ACO1: variants seen among roughly 807,000 people sequenced by gnomAD.
The protein encoded by ACO1 is aconitase 1, also known as cytoplasmic aconitate hydratase.
Under a neutral mutation model 105.1 loss-of-function variants are expected in ACO1, and 78 were observed. The observed-to-expected ratio is 0.74, with a 90% CI of 0.62 to 0.90. The LOEUF (loss-of-function observed/expected upper bound fraction) is 0.90, where lower values mean the gene tolerates loss of function less well. Among genes scored for constraint, ACO1 ranks in the 40% least tolerant of loss-of-function variants. The pLI, the probability that ACO1 is intolerant of heterozygous loss-of-function variation, is 0.00. For synonymous variants in ACO1, 364 were observed against 397.4 expected (o/e 0.92, Z 1.00); for missense variants, 965 against 1,111.1 (o/e 0.87, Z 1.87).
chr9:32,404,457 A>G (rs1821562202), intron 1 of ACO1, among the ~76,000 whole-genome samples: 1 of 152,186 alleles, frequency 6.6e-6, no homozygotes, highest in African/African-American at 2.4e-5. Flanking sequence ...CACAGTTTAG[A>G]AAAAATTAGT....
intron 4 of ACO1, among the ~76,000 whole-genome samples, chr9:32,411,620 G>C (rs1821741050): frequency 6.6e-6 from 1 of 152,098 alleles, no homozygotes; most frequent in African/African-American, 2.4e-5. Context: ...GCAAATGGTA[G>C]TAAACAGTAT....
chr9:32,410,360 C>T (rs190061496), intron 4 of ACO1, among the ~76,000 whole-genome samples: 3 of 152,136 alleles, frequency 2.0e-5, no homozygotes, highest in Admixed American at 1.3e-4. Flanking sequence ...AGATCAAGAC[C>T]ATCCTGGCAA....
intron 16 of ACO1, 118 bp from the exon 17 acceptor site, chr9:32,434,441 G>A: frequency 1.7e-6 from 2 of 1,163,686 alleles, no homozygotes; most frequent in Non-Finnish European, 2.4e-6. Flanking sequence ...AGAATTTTCT[G>A]TGCATTGGTG....
At position 32,417,808 on chromosome 9, in the gene ACO1, G is replaced by C. The variant is rs796598473; in HGVS notation, c.405-320G>C. Among the ~76,000 whole-genome samples the C allele has an allele frequency of 2.6e-5, 4 of 152,302 alleles. No homozygotes were observed. The South Asian group carries it at 8.3e-4, about 32-fold the overall frequency. On this transcript the variant is annotated intron_variant, in intron 4 of 20. Transcript: ENST00000309951. ...GAGTTCTTTAAATGTCCAGGCTGCT[G>C]TTGTCATATGAATGTCTTGAGTCTG...
Position 32,450,721 on chromosome 9 carries a change from A to T in ACO1, c.*610A>T, listed in dbSNP as rs2118595684. 6.6e-6 allele frequency: 1 copy of T among 151,866 alleles called. No homozygotes were observed. The highest frequency in any genetic ancestry group is 1.9e-4 in the East Asian group (1 of 5,178). The allele number at this position is 151,866 out of a possible 1,614,324, so 9.4% of individuals were successfully genotyped here. A position where few individuals can be genotyped will look rare whatever the true frequency, so the allele number is the denominator to read the frequency against. On this transcript the variant is annotated 3_prime_UTR_variant, in exon 21 of 21. Coordinates refer to ENST00000309951, the MANE Select transcript of ACO1 (RefSeq NM_002197.3). ...CTTTTGATAGATCCACATAAAAAGAAATGTGAAGTTTTCTTTTACTATCTT... is the reference window on the plus strand; with the variant it reads ...CTTTTGATAGATCCACATAAAAAGATATGTGAAGTTTTCTTTTACTATCTT...
Position 32,452,920 on chromosome 9 carries a change from C to T in ACO1, c.*2809C>T, listed in dbSNP as rs1452812359. ...TCGTGGCTATGATTGCTCCACTGCA[C>T]TCCAGCCTGGGCAATAGAGTGAGAC... On this transcript the variant is annotated 3_prime_UTR_variant, in exon 21 of 21. Transcript: ENST00000309951. 1.3e-5 allele frequency: 2 copies of T among 151,274 alleles called. No individual in the cohort carries two copies. The highest frequency in any genetic ancestry group is 2.4e-5 in the African/African-American group (1 of 41,188). The allele number at this position is 151,274 out of a possible 1,614,324, so 9.4% of individuals were successfully genotyped here. A position where few individuals can be genotyped will look rare whatever the true frequency, so the allele number is the denominator to read the frequency against.
At position 32,452,831 on chromosome 9, in the gene ACO1, G is replaced by A. The variant is rs1467154350; in HGVS notation, c.*2720G>A. The A allele has an allele frequency of 6.6e-6, 1 of 151,932 alleles. No homozygotes were observed. The highest frequency in any genetic ancestry group is 1.5e-5 in the Non-Finnish European group (1 of 68,070). The allele number at this position is 151,932 out of a possible 1,614,324, so 9.4% of individuals were successfully genotyped here. A position where few individuals can be genotyped will look rare whatever the true frequency, so the allele number is the denominator to read the frequency against. ...TAAATAAATAAAATAAATCAGCCAG[G>A]TGTGCACCTGTGGTCCCAGCTGTTC... On this transcript the variant is annotated 3_prime_UTR_variant, in exon 21 of 21. Transcript: ENST00000309951.
At chr9:32,408,361 G>A (rs1053215388) in intron 3 of ACO1, among the ~76,000 whole-genome samples, 153 bp from the exon 4 acceptor site, 3 of 152,174 alleles carry the variant, frequency 2.0e-5, no homozygotes, top group African/African-American at 7.2e-5. Context: ...GAGGAAATAC[G>A]CTTAGAAACT....
At chr9:32,403,417 A>G (rs1821540058) in intron 1 of ACO1, among the ~76,000 whole-genome samples, 1 of 152,186 alleles carries the variant, frequency 6.6e-6, no homozygotes, top group African/African-American at 2.4e-5. Context: ...CTAGCTTCCA[A>G]GGAAAAAGGG....
intron 4 of ACO1, among the ~76,000 whole-genome samples, chr9:32,414,067 G>A (rs959961873): frequency 6.6e-6 from 1 of 152,070 alleles, no homozygotes; most frequent in Non-Finnish European, 1.5e-5. Flanking sequence ...GCCCGGGAAT[G>A]GCGTGAACCC....
intron 18 of ACO1, among the ~76,000 whole-genome samples, chr9:32,438,882 T>C (rs1174811609): frequency 4.6e-5 from 7 of 152,208 alleles, no homozygotes. Flanking sequence ...CAAAGTAGAA[T>C]ATTGACAGAT....
rs776750181 is a variant in ACO1, at chr9:32,449,979, C to CTGTT, written c.2557-17_2557-14dup. On this transcript the variant is annotated intron_variant, in intron 20 of 20. Transcript: ENST00000309951. ...CTCGCCACCTCCCTCAATGATGCTTCTGTTTCTTTGTGCCACAGCTGGATA... is the reference window on the plus strand; with the variant it reads ...CTCGCCACCTCCCTCAATGATGCTTCTGTTTGTTTCTTTGTGCCACAGCTGGATA... 6.2e-7 allele frequency: 1 copy of CTGTT among 1,604,544 alleles called. No individual in the cohort carries two copies. The highest frequency in any genetic ancestry group is 1.7e-5 in the Admixed American group (1 of 59,994).
In ACO1 at chr9:32,434,717, G is replaced by A. The variant is rs375327839; in HGVS notation, c.2099+16G>A. The stretch of plus-strand genomic sequence containing the variant: ...CTAACAGAGGGTAAGTATGAATGAG[G>A]CAGGAAGGACTAAAGGCAAAAATGG... On this transcript the variant is annotated intron_variant, in intron 17 of 20. Coordinates refer to ENST00000309951, the MANE Select transcript of ACO1 (RefSeq NM_002197.3). 1.2e-6 allele frequency: 2 copies of A among 1,613,398 alleles called. No individual in the cohort carries two copies. Among genetic ancestry groups the A allele is most frequent in the African/African-American group, 2.7e-5 (2 of 75,036 alleles).
chr9:32,418,254 A>T, intron 5 of ACO1, 57 bp downstream of exon 5: 1 of 1,612,002 alleles, frequency 6.2e-7, no homozygotes. Flanking sequence ...GGTACGAGGG[A>T]GAGATGCCAA....
chr9:32,440,787 G>A (rs892434650), intron 19 of ACO1, among the ~76,000 whole-genome samples, 200 bp downstream of exon 19: 1 of 152,170 alleles, frequency 6.6e-6, no homozygotes, highest in Non-Finnish European at 1.5e-5. Context: ...GAGTTGAACT[G>A]GATCTATCAT....
intron 8 of ACO1, 35 bp from the exon 9 acceptor site, chr9:32,423,284 C>A: frequency 7.9e-7 from 1 of 1,260,004 alleles, no homozygotes; most frequent in Non-Finnish European, 1.1e-6. Flanking sequence ...AAATACTAAC[C>A]TATGTTACTT....
At chr9:32,395,055 G>A (rs889554310) in intron 1 of ACO1, among the ~76,000 whole-genome samples, 4 of 152,182 alleles carry the variant, frequency 2.6e-5, no homozygotes, top group Admixed American at 6.5e-5. Flanking sequence ...CACAATCTGC[G>A]AAATGAGTTC....
chr9:32,413,689 A>G (rs1821790872), intron 4 of ACO1, among the ~76,000 whole-genome samples: 1 of 152,144 alleles, frequency 6.6e-6, no homozygotes, highest in African/African-American at 2.4e-5. Context: ...AAACTGGGTA[A>G]GGGGTGGTAG....
At chr9:32,433,990 G>A (rs1416278791) in intron 16 of ACO1, among the ~76,000 whole-genome samples, 158 bp downstream of exon 16, 1 of 152,134 alleles carries the variant, frequency 6.6e-6, no homozygotes, top group East Asian at 1.9e-4. Context: ...GGGAGGCTGG[G>A]ATATTTGGCT....
Sources: gnomAD v4.1 joint callset for allele counts (sites outside exome capture counted in the v4.1 genomes callset) on GRCh38, gnomAD v4.1.1 for gene constraint, MANE v1.5 for transcripts, NCBI Gene and HGNC (gene_info 2026-07-23, HGNC 2026-07-21) for gene names.